STAT2: variants seen among roughly 807,000 people sequenced by gnomAD.
STAT2 encodes interferon alpha induced transcriptional activator.
STAT2 carries 51 observed loss-of-function variants against 122.3 expected under a neutral mutation model. The ratio of observed to expected loss-of-function variants is 0.42; its 90% CI spans 0.33 to 0.53. The LOEUF (loss-of-function observed/expected upper bound fraction) is 0.53. Ranked by LOEUF, STAT2 falls within the 20% of genes least tolerant of loss-of-function variation. STAT2 has a pLI of 0.10. For synonymous variants in STAT2, 351 were observed against 394.9 expected (o/e 0.89, Z 1.32); for missense variants, 736 against 1,010.3 (o/e 0.73, Z 3.68).
chr12:56,349,700 G>A, intron 13 of STAT2, 64 bp from the exon 14 acceptor site: 3 of 1,609,506 alleles, frequency 1.9e-6, no homozygotes, highest in Non-Finnish European at 2.6e-6. Context: ...TGGAACCCCT[G>A]TTTGGCTTCA....
At chr12:56,354,042 A>ATATATATAT (rs1565657762) in intron 8 of STAT2, among the ~76,000 whole-genome samples, 25 of 32,234 alleles carry the variant, frequency 7.8e-4, no homozygotes, top group Non-Finnish European at 2.3e-3. Context: ...TATATATATA[A>ATATATATAT]AAAATACTGT....
chr12:56,353,197 T>A (rs764169393), intron 8 of STAT2, among the ~76,000 whole-genome samples: 21 of 152,232 alleles, frequency 1.4e-4, no homozygotes, highest in Non-Finnish European at 7.3e-5. Context: ...TTGGCCAGGC[T>A]GGTCTTGAAC....
chr12:56,354,276 A>G (rs1214714399), intron 8 of STAT2, 190 bp downstream of exon 8: 5 of 688,524 alleles, frequency 7.3e-6, no homozygotes, highest in African/African-American at 5.4e-5. Context: ...CTTTCCCTGA[A>G]GGAGACTGGG....
rs750586683 is a variant in STAT2, at chr12:56,354,851, G to A, written c.560C>T (p.Ser187Phe). 4.3e-6 allele frequency: 7 copies of A among 1,614,020 alleles called. No homozygotes were observed. The African/African-American group carries it at 8.0e-5, about 18-fold the overall frequency. ...YKIQAKGKTP[S>F]LDPHQTKEQK... is the part of the protein sequence containing the mutation. ...CTCTTTGGTCTGATGGGGGTCCAGA[G>A]AGGGTGTCTTCCCTGGATGGTGGGA... Residue 187 changes from serine (S) to phenylalanine (F), a missense_variant, in exon 7 of 24, where the codon TCT becomes TTT. Ser to Phe is a radical substitution (Grantham distance 155, BLOSUM62 -2). Transcript: ENST00000314128.
chr12:56,359,955 A>T, intron 1 of STAT2, 103 bp downstream of exon 1: 2 of 753,378 alleles, frequency 2.7e-6, no homozygotes, highest in Non-Finnish European at 3.2e-6. Context: ...GACCGAAGCT[A>T]CCCTCTCCAG....
Position 56,346,602 on chromosome 12 carries a change from C to T in STAT2, c.1884G>A (p.Val628=), listed in dbSNP as rs2136043368. Residue 628 remains valine (V), a synonymous_variant, in exon 21 of 24, where the codon GTG becomes GTA. Transcript: ENST00000314128. ...GCAGCACCTCCTTCGTGTACGGTTG[C>T]ACAGAGTAGATGAGCACCTTGTCTG... ...QDDDKVLIYS[V]QPYTKEVLQS... 6.2e-7 allele frequency: 1 copy of T among 1,614,168 alleles called. No homozygotes were observed. The highest frequency in any genetic ancestry group is 1.1e-5 in the South Asian group (1 of 91,088).
chr12:56,354,652 C>A (rs1879233536), intron 7 of STAT2, 38 bp from the exon 8 acceptor site: 1 of 1,613,410 alleles, frequency 6.2e-7, no homozygotes, highest in South Asian at 1.1e-5. Context: ...GCATCTCTCC[C>A]TTTCACCCTC....
chr12:56,349,319 G>A (rs1330993389), intron 15 of STAT2, 58 bp from the exon 16 acceptor site: 5 of 1,613,972 alleles, frequency 3.1e-6, no homozygotes, highest in Non-Finnish European at 4.2e-6. Flanking sequence ...GCAGGTATTT[G>A]TTAGAGGAAA....
chr12:56,357,495 C>A (rs1170220458), intron 1 of STAT2, among the ~76,000 whole-genome samples: 2 of 151,880 alleles, frequency 1.3e-5, no homozygotes, highest in Non-Finnish European at 2.9e-5. Context: ...CTCCCGCCAC[C>A]ATGCCCGGCT....
intron 16 of STAT2, 41 bp downstream of exon 16, chr12:56,349,122 C>T: frequency 6.2e-7 from 1 of 1,613,946 alleles, no homozygotes; most frequent in Non-Finnish European, 8.5e-7. Flanking sequence ...GCTTCCACAC[C>T]CCTCCTCTCG....
intron 6 of STAT2, 112 bp from the exon 7 acceptor site, chr12:56,354,975 G>A: frequency 8.7e-7 from 1 of 1,145,944 alleles, no homozygotes; most frequent in Non-Finnish European, 1.3e-6. Flanking sequence ...GGGAAACCAA[G>A]CAAAGCACAG....
intron 1 of STAT2, among the ~76,000 whole-genome samples, chr12:56,357,957 C>T (rs1281657497): frequency 6.6e-6 from 1 of 152,110 alleles, no homozygotes; most frequent in East Asian, 1.9e-4. Flanking sequence ...CTGCCTCAGC[C>T]TTCCAAAATG....
intron 6 of STAT2, 72 bp from the exon 7 acceptor site, chr12:56,354,935 C>A: frequency 6.8e-7 from 1 of 1,469,066 alleles, no homozygotes; most frequent in South Asian, 1.2e-5. Flanking sequence ...CAGTCAGAGT[C>A]AGGAAGGAGG....
intron 1 of STAT2, among the ~76,000 whole-genome samples, chr12:56,359,758 G>A (rs909948611): frequency 2.0e-5 from 3 of 151,970 alleles, no homozygotes; most frequent in African/African-American, 7.2e-5. Flanking sequence ...ATCGTTTTTT[G>A]GTGAAGATAA....
chr12:56,348,476 C>T (rs564167903), intron 19 of STAT2, 53 bp downstream of exon 19: 2 of 1,595,712 alleles, frequency 1.3e-6, no homozygotes, highest in African/African-American at 1.3e-5. Context: ...AGAGACTCCA[C>T]TCTCAAGCCC....
In STAT2 at chr12:56,343,499, T is replaced by G. The variant is rs773752359; in HGVS notation, c.2446A>C (p.Met816Leu). 17 of 1,614,040 alleles carry G rather than the reference T, an allele frequency of 1.1e-5. No individual in the cohort carries two copies. Among genetic ancestry groups the G allele is most frequent in the Admixed American group, 6.7e-5 (4 of 59,992 alleles). ...GCCAACAGTGGGTCACCATTCGGCA[T>G]GATTTCTTCAATCTTTACACAGTTT... ...FRNCVKIEEI[M>L]PNGDPLLAGQ... The change falls in exon 24 of 24, where the codon ATG becomes CTG. Residue 816 changes from methionine (M) to leucine (L), a missense_variant. Coordinates refer to ENST00000314128, the MANE Select transcript of STAT2 (RefSeq NM_005419.4).
chr12:56,351,264 C>T (rs201883723), intron 9 of STAT2, 28 bp downstream of exon 9: 55 of 1,612,118 alleles, frequency 3.4e-5, no homozygotes, highest in Non-Finnish European at 4.6e-5. Context: ...TCCTTCTTTC[C>T]CCCAGGGTTC....
intron 23 of STAT2, 133 bp downstream of exon 23, chr12:56,343,692 T>TA (rs1876910916): frequency 1.9e-5 from 29 of 1,529,870 alleles, no homozygotes; most frequent in Non-Finnish European, 2.5e-5. Flanking sequence ...GTGTAATTCC[T>TA]AAAAAAAGGA....
chr12:56,351,983 C>T (rs918715199), intron 8 of STAT2, among the ~76,000 whole-genome samples: 1 of 152,098 alleles, frequency 6.6e-6, no homozygotes, highest in Non-Finnish European at 1.5e-5. Context: ...ACCTCCACCT[C>T]CTGGATTCAA....
Sources: allele counts gnomAD v4.1 joint callset (sites outside exome capture counted in the v4.1 genomes callset), GRCh38; gene constraint gnomAD v4.1.1; transcripts MANE v1.5; gene names NCBI Gene and HGNC (gene_info 2026-07-23, HGNC 2026-07-21).